The following COL19A1 variants were observed in gnomAD, a reference collection of about 807,000 sequenced individuals.
COL19A1 encodes collagen alpha-1(XIX) chain.
A neutral mutation model predicts 190.2 loss-of-function variants in COL19A1; 159 were observed. That is an observed-to-expected ratio of 0.84 (90% CI 0.73 to 0.95). COL19A1 has a LOEUF of 0.95. Ranked by LOEUF, COL19A1 falls within the 40% of genes least tolerant of loss-of-function variation. The probability of loss-of-function intolerance (pLI) is 0.00; values close to 1 mark genes in which losing one functional copy is unlikely to be tolerated. For missense variants in COL19A1, 1,418 were observed against 1,431.9 expected, an observed-to-expected ratio of 0.99 and a Z score of 0.16; for synonymous variants, 509 against 458.9, an observed-to-expected ratio of 1.11 and a Z score of -1.39.
chr6:70,170,676 T>C (rs1024565305), intron 40 of COL19A1, among the ~76,000 whole-genome samples: 1 of 152,238 alleles, frequency 6.6e-6, no homozygotes. Flanking sequence ...TATACAGAAC[T>C]TTATGCAGAA....
chr6:69,898,907 A>G, intron 2 of COL19A1, 41 bp from the exon 3 acceptor site: 1 of 1,194,638 alleles, frequency 8.4e-7, no homozygotes, highest in South Asian at 1.3e-5. Flanking sequence ...TAAAATTCAT[A>G]CATAATGCAA....
chr6:69,930,695 G>T (rs528046104), intron 6 of COL19A1, among the ~76,000 whole-genome samples: 1 of 152,248 alleles, frequency 6.6e-6, no homozygotes, highest in African/African-American at 2.4e-5. Context: ...GCACACGCCT[G>T]TAATCCCAGC....
intron 16 of COL19A1, among the ~76,000 whole-genome samples, chr6:70,109,254 A>C (rs530014045): frequency 3.9e-5 from 6 of 152,246 alleles, no homozygotes; most frequent in Admixed American, 1.3e-4. Flanking sequence ...TGGTCCAGGG[A>C]GGTGTCTCTG....
At chr6:69,996,948 G>A (rs1488314441) in intron 11 of COL19A1, among the ~76,000 whole-genome samples, 1 of 143,996 alleles carries the variant, frequency 6.9e-6, no homozygotes, top group Non-Finnish European at 1.5e-5. Flanking sequence ...GTATATATAT[G>A]TATGTACATA....
At chr6:70,192,751 G>A (rs374969472) in intron 48 of COL19A1, among the ~76,000 whole-genome samples, 11 of 152,208 alleles carry the variant, frequency 7.2e-5, no homozygotes, top group East Asian at 1.9e-4. Context: ...TAGTAAAGCC[G>A]TAAACTAAAC....
intron 11 of COL19A1, among the ~76,000 whole-genome samples, chr6:70,010,374 G>C (rs567021747): frequency 8.0e-6 from 1 of 124,640 alleles, no homozygotes; most frequent in African/African-American, 2.8e-5. Context: ...TGGCCGAATA[G>C]GAACAGCTCC....
chr6:70,167,907 T>G, intron 37 of COL19A1, 118 bp from the exon 38 acceptor site: 3 of 700,936 alleles, frequency 4.3e-6, no homozygotes, highest in Non-Finnish European at 6.9e-6. Context: ...CTTTGTAAAA[T>G]AGAATAGAAA....
At chr6:70,089,223 A>C (rs1468130117) in intron 15 of COL19A1, among the ~76,000 whole-genome samples, 1 of 152,206 alleles carries the variant, frequency 6.6e-6, no homozygotes, top group East Asian at 1.9e-4. Context: ...AAAAAGATCA[A>C]TATAACTTTA....
At chr6:69,972,366 T>TA (rs1056803832) in intron 11 of COL19A1, among the ~76,000 whole-genome samples, 2 of 152,210 alleles carry the variant, frequency 1.3e-5, no homozygotes, top group Non-Finnish European at 2.9e-5. Flanking sequence ...CTTTCTCCAA[T>TA]AGAGTAGAAG....
At chr6:69,959,754 G>T (rs1774655415) in intron 9 of COL19A1, among the ~76,000 whole-genome samples, 2 of 152,172 alleles carry the variant, frequency 1.3e-5, no homozygotes, top group South Asian at 2.1e-4. Flanking sequence ...TAAGTTACTA[G>T]TTAGGTGACC....
intron 17 of COL19A1, among the ~76,000 whole-genome samples, chr6:70,122,178 A>T (rs992354030): frequency 6.6e-6 from 1 of 152,176 alleles, no homozygotes; most frequent in Non-Finnish European, 1.5e-5. Context: ...ATTTTGTTCA[A>T]AGATTGTTAA....
intron 34 of COL19A1, among the ~76,000 whole-genome samples, chr6:70,159,813 G>A (rs1049932840): frequency 6.6e-6 from 1 of 152,110 alleles, no homozygotes; most frequent in East Asian, 1.9e-4. Flanking sequence ...GGAATTGTAT[G>A]ATGACAAAGA....
At chr6:70,111,597 A>T (rs1014937660) in intron 16 of COL19A1, among the ~76,000 whole-genome samples, 1 of 152,212 alleles carries the variant, frequency 6.6e-6, no homozygotes, top group Admixed American at 6.6e-5. Context: ...GTAACAGTTA[A>T]TATCACTGAT....
At chr6:70,180,176 ACACCTGGC>A in intron 42 of COL19A1, 128 bp from the exon 43 acceptor site, 1 of 913,038 alleles carries the variant, frequency 1.1e-6, no homozygotes, top group Non-Finnish European at 1.7e-6. Context: ...ATGAGCCACC[ACACCTGGC>A]CAGAAATGCC....
intron 10 of COL19A1, among the ~76,000 whole-genome samples, chr6:69,960,661 G>T (rs1345040689): frequency 1.6e-5 from 2 of 126,940 alleles, no homozygotes; most frequent in Non-Finnish European, 3.1e-5. Flanking sequence ...ACGGAGTCTC[G>T]CTCTGTCTCC....
chr6:70,063,296 G>A (rs1170048755), intron 14 of COL19A1, among the ~76,000 whole-genome samples: 1 of 152,002 alleles, frequency 6.6e-6, no homozygotes, highest in Non-Finnish European at 1.5e-5. Context: ...AGACCACAGT[G>A]CAATCAAACT....
At chr6:70,151,557 C>A (rs1583034097) in intron 31 of COL19A1, 119 bp downstream of exon 31, 2 of 861,142 alleles carry the variant, frequency 2.3e-6, no homozygotes, top group East Asian at 2.5e-5. Context: ...TTTTAAATGG[C>A]AGGACATCTT....
chr6:70,102,353 G>A (rs113748234), intron 16 of COL19A1, 131 bp downstream of exon 16: 2 of 696,526 alleles, frequency 2.9e-6, no homozygotes, highest in Admixed American at 2.3e-5. Flanking sequence ...ACTGGTTTCA[G>A]CATTTGGATG....
intron 11 of COL19A1, among the ~76,000 whole-genome samples, chr6:69,979,721 T>A (rs972016672): frequency 1.1e-4 from 16 of 151,588 alleles, no homozygotes; most frequent in Non-Finnish European, 2.2e-4. Flanking sequence ...TAAGAGACTT[T>A]GGGAGAAAAT....
Sources: allele counts gnomAD v4.1 joint callset (sites outside exome capture counted in the v4.1 genomes callset), GRCh38; gene constraint gnomAD v4.1.1; transcripts MANE v1.5; gene names NCBI Gene and HGNC (gene_info 2026-07-23, HGNC 2026-07-21).